The following BCAS3 variants were observed in gnomAD, a reference collection of about 807,000 sequenced individuals.
BCAS3 encodes BCAS3 microtubule associated cell migration factor, also known as BCAS4/BCAS3 fusion.
Under a neutral mutation model 116.1 loss-of-function variants are expected in BCAS3, and 53 were observed. The observed-to-expected ratio is 0.46, with a 90% CI of 0.37 to 0.57. The LOEUF (loss-of-function observed/expected upper bound fraction) is 0.57, where lower values mean the gene tolerates loss of function less well. BCAS3 is among the 20% of genes least tolerant of loss of function. The pLI is 0.00. For synonymous variants in BCAS3, 391 were observed against 408.2 expected (o/e 0.96, Z 0.51); for missense variants, 917 against 1,165.4 (o/e 0.79, Z 3.10).
rs993121633 is a variant in BCAS3 at position 61,285,095 on chromosome 17, C to G, written c.2426-83232C>G. Among the ~76,000 whole-genome samples, 1 of 152,200 alleles carries G rather than the reference C, an allele frequency of 6.6e-6. No homozygotes were observed. The highest frequency in any genetic ancestry group is 2.4e-5 in the African/African-American group (1 of 41,440). ...ACTGATGCTAACCTCGGGGTCTCTT[C>G]TGTCCCCTAGTGATTCAAACCAGCT... On this transcript the variant is annotated intron_variant, in intron 22 of 23. Coordinates refer to ENST00000407086, the MANE Select transcript of BCAS3 (RefSeq NM_017679.5). This position sits in a 1 kb window ranked among gnomAD's most constrained non-coding sequence, Gnocchi z 5.4.
chr17:61,121,695 G>A (rs1381773469), intron 22 of BCAS3, among the ~76,000 whole-genome samples: 1 of 152,186 alleles, frequency 6.6e-6, no homozygotes, highest in Non-Finnish European at 1.5e-5. Context: ...TTTCTTTGGT[G>A]AGCCTGTGTT....
intron 21 of BCAS3, among the ~76,000 whole-genome samples, chr17:61,079,951 G>T (rs1455361998): frequency 6.9e-6 from 1 of 144,960 alleles, no homozygotes; most frequent in Non-Finnish European, 1.5e-5. Context: ...GAGTGCTGTG[G>T]TGCGATCTCA....
Position 60,990,283 on chromosome 17 carries a change from T to C in BCAS3, c.1486+48T>C, listed in dbSNP as rs775637192. ...TTATCTTGAATCTTCCTTCCCTTTG[T>C]CCTTATTTTTACAGATCTGGGATAA... On this transcript the variant is annotated intron_variant, in intron 15 of 23. Coordinates refer to ENST00000407086, the MANE Select transcript of BCAS3 (RefSeq NM_017679.5). The surrounding 1 kb of genome is among the most constrained non-coding windows in gnomAD (Gnocchi z 5.1). 2.0e-5 allele frequency: 31 copies of C among 1,584,446 alleles called. No individual in the cohort carries two copies. Among genetic ancestry groups the C allele is most frequent in the Middle Eastern group, 1.8e-4 (1 of 5,444 alleles).
chr17:60,703,926 A>G (rs1341588937), intron 4 of BCAS3, among the ~76,000 whole-genome samples: 2 of 151,740 alleles, frequency 1.3e-5, no homozygotes, highest in Admixed American at 1.3e-4. Context: ...CAAAAAAAAA[A>G]AAGAAAAAAA....
rs185567754 is a variant in BCAS3, at chr17:61,164,196, C to T, written c.2425+79632C>T. Among the ~76,000 whole-genome samples the T allele has an allele frequency of 2.8e-3, 422 of 150,836 alleles. 2 individuals carry two copies. The highest frequency in any genetic ancestry group is 0.014 in the Middle Eastern group (4 of 292). Reference sequence around the variant, plus strand: ...TATGGAATCATGTGTGTAGTAATTCCGAATCAATGGCAAGATGTTGAATTA... The same window carrying T: ...TATGGAATCATGTGTGTAGTAATTCTGAATCAATGGCAAGATGTTGAATTA... On this transcript the variant is annotated intron_variant, in intron 22 of 23. Coordinates refer to ENST00000407086, the MANE Select transcript of BCAS3 (RefSeq NM_017679.5).
At position 61,381,087 on chromosome 17, in the gene BCAS3, T is replaced by G. The variant is rs1426510951; in HGVS notation, c.2594-10890T>G. ...CAACCTAATGTAACACAAAATTCAT[T>G]ACTGATCACATTACTTTCAACTCTG... On this transcript the variant is annotated intron_variant, in intron 23 of 23. Coordinates refer to ENST00000407086, the MANE Select transcript of BCAS3 (RefSeq NM_017679.5). The surrounding 1 kb of genome is among the most constrained non-coding windows in gnomAD (Gnocchi z 6.0). Among the ~76,000 whole-genome samples, 4 of 152,214 alleles carry G rather than the reference T, an allele frequency of 2.6e-5. No homozygotes were observed. The highest frequency in any genetic ancestry group is 2.0e-4 in the Admixed American group (3 of 15,286).
At chr17:60,799,708 CTTTTTTT>C (rs67510415) in intron 6 of BCAS3, among the ~76,000 whole-genome samples, 14 of 49,838 alleles carry the variant, frequency 2.8e-4, no homozygotes, top group African/African-American at 1.0e-3. Context: ...TTTTTCTTTT[CTTTTTTT>C]TTTTTTTTTT....
Position 61,200,253 on chromosome 17 carries a change from A to G in BCAS3, c.2425+115689A>G, listed in dbSNP as rs1860374. Among the ~76,000 whole-genome samples, 32,821 of 152,178 alleles carry G rather than the reference A, an allele frequency of 0.22. 4,491 individuals carry two copies. The highest frequency in any genetic ancestry group is 0.39 in the African/African-American group (16,264 of 41,458). ...CTTGCTTGAGACATCAGAAGGAGTC[A>G]GAGTGGTCTGAGCGAATGAGAAGGA... On this transcript the variant is annotated intron_variant, in intron 22 of 23. Transcript: ENST00000407086. This position sits in a 1 kb window ranked among gnomAD's most constrained non-coding sequence, Gnocchi z 5.1.
intron 22 of BCAS3, among the ~76,000 whole-genome samples, chr17:61,322,663 T>C (rs2055316916): frequency 6.6e-6 from 1 of 152,190 alleles, no homozygotes; most frequent in Non-Finnish European, 1.5e-5. Context: ...TTTTCCAGCC[T>C]CTTGTTTTTT....
intron 22 of BCAS3, among the ~76,000 whole-genome samples, chr17:61,135,469 C>T (rs983745720): frequency 6.6e-6 from 1 of 152,176 alleles, no homozygotes; most frequent in African/African-American, 2.4e-5. Context: ...GGCCCATGTG[C>T]ATTTGTTATT....
chr17:61,087,902 G>T lies in BCAS3; in HGVS notation c.2425+3338G>T, dbSNP rs1000559490. Among the ~76,000 whole-genome samples the T allele has an allele frequency of 6.6e-6, 1 of 152,130 alleles. No homozygotes were observed. Among genetic ancestry groups the T allele is most frequent in the African/African-American group, 2.4e-5 (1 of 41,414 alleles). On this transcript the variant is annotated intron_variant, in intron 22 of 23. Transcript: ENST00000407086. This position sits in a 1 kb window ranked among gnomAD's most constrained non-coding sequence, Gnocchi z 4.6. ...TGGTGATTCTAATGACACCATACCA[G>T]CTGGGCGCAGTGGATCACAACTATA...
chr17:61,102,507 G>A (rs2074387869), intron 22 of BCAS3, among the ~76,000 whole-genome samples: 1 of 152,106 alleles, frequency 6.6e-6, no homozygotes, highest in South Asian at 2.1e-4. Flanking sequence ...TCAGAAGAAG[G>A]TGTGATTTAG....
At chr17:60,716,856 TATTA>T in intron 5 of BCAS3, among the ~76,000 whole-genome samples, 1 of 152,212 alleles carries the variant, frequency 6.6e-6, no homozygotes. Flanking sequence ...CCCATATATT[TATTA>T]ATTCTTTCAC....
intron 7 of BCAS3, among the ~76,000 whole-genome samples, chr17:60,837,382 G>A (rs921575461): frequency 7.9e-5 from 12 of 152,086 alleles, no homozygotes; most frequent in Non-Finnish European, 1.6e-4. Context: ...GGTAACATCA[G>A]TAAAATTGAT....
At chr17:60,921,349 C>A (rs187961714) in intron 12 of BCAS3, among the ~76,000 whole-genome samples, 95 of 152,232 alleles carry the variant, frequency 6.2e-4, no homozygotes, top group Non-Finnish European at 1.2e-3. Flanking sequence ...TAAGTGGGAG[C>A]TAAACATTGA....
intron 4 of BCAS3, among the ~76,000 whole-genome samples, chr17:60,703,143 C>T (rs2036637914): frequency 6.6e-6 from 1 of 151,782 alleles, no homozygotes; most frequent in African/African-American, 2.4e-5. Context: ...GGTGTTGTGG[C>T]AGGTGCCTCT....
At chr17:60,849,563 T>G in intron 7 of BCAS3, among the ~76,000 whole-genome samples, 1 of 152,172 alleles carries the variant, frequency 6.6e-6, no homozygotes, top group East Asian at 1.9e-4. Flanking sequence ...AAAAAAAGTT[T>G]ATAAAGAGAT....
At chr17:61,102,187 G>A (rs749268653) in intron 22 of BCAS3, among the ~76,000 whole-genome samples, 11 of 152,082 alleles carry the variant, frequency 7.2e-5, no homozygotes, top group Non-Finnish European at 1.3e-4. Context: ...GAAAATTAAC[G>A]TAAGCTGATA....
intron 22 of BCAS3, among the ~76,000 whole-genome samples, chr17:61,094,283 G>A (rs58927567): frequency 0.15 from 22,244 of 152,196 alleles, 5,074 homozygotes; most frequent in African/African-American, 0.49. Flanking sequence ...TGAATGCACA[G>A]TAGTTGTCTT....
Sources: allele counts gnomAD v4.1 joint callset (sites outside exome capture counted in the v4.1 genomes callset), GRCh38; gene constraint gnomAD v4.1.1; non-coding constraint Gnocchi (gnomAD v3.1); transcripts MANE v1.5; gene names NCBI Gene and HGNC (gene_info 2026-07-23, HGNC 2026-07-21).